NRXN1: variants seen among roughly 807,000 people sequenced by gnomAD.
NRXN1 encodes neurexin-1.
NRXN1 carries 39 observed loss-of-function variants against 150.9 expected under a neutral mutation model. The observed-to-expected ratio is 0.26, with a 90% CI of 0.20 to 0.34. The LOEUF (loss-of-function observed/expected upper bound fraction) is 0.34. NRXN1 is among the 10% of genes least tolerant of loss of function. NRXN1 has a pLI of 1.00. For missense variants in NRXN1, 1,815 were observed against 1,949.9 expected, an observed-to-expected ratio of 0.93 and a Z score of 1.30; for synonymous variants, 924 against 757.0, an observed-to-expected ratio of 1.22 and a Z score of -3.62.
chr2:50,883,508 T>C (rs1001787730), intron 5 of NRXN1, among the ~76,000 whole-genome samples: 1 of 151,648 alleles, frequency 6.6e-6, no homozygotes, highest in Admixed American at 6.6e-5. Context: ...GTGAATGTTA[T>C]TGGATAACAT....
intron 2 of NRXN1, among the ~76,000 whole-genome samples, chr2:50,955,105 C>A (rs968213859): frequency 6.6e-6 from 1 of 152,136 alleles, no homozygotes; most frequent in Non-Finnish European, 1.5e-5. Context: ...CACACGCACA[C>A]ACAAACTCTT....
chr2:50,051,672 G>A (rs1036750300), intron 21 of NRXN1, among the ~76,000 whole-genome samples: 6 of 152,068 alleles, frequency 3.9e-5, no homozygotes, highest in African/African-American at 1.2e-4. Flanking sequence ...GTGCTATGAT[G>A]TTATTGGCAA....
At chr2:50,903,171 T>A (rs1559417868) in intron 5 of NRXN1, among the ~76,000 whole-genome samples, 1 of 152,144 alleles carries the variant, frequency 6.6e-6, no homozygotes, top group African/African-American at 2.4e-5. Context: ...GAACTTTTTT[T>A]AAAAGATAAA....
chr2:50,577,004 T>C (rs1032214872), intron 8 of NRXN1, among the ~76,000 whole-genome samples: 56 of 152,272 alleles, frequency 3.7e-4, no homozygotes, highest in African/African-American at 1.3e-3. Flanking sequence ...TCAGCAGCCA[T>C]ATTCTCATCC....
chr2:50,629,905 T>C (rs974630163), intron 5 of NRXN1, among the ~76,000 whole-genome samples: 8 of 138,568 alleles, frequency 5.8e-5, no homozygotes, highest in Admixed American at 1.5e-4. Flanking sequence ...AAGATCCATA[T>C]CTTAAATGTG....
chr2:50,639,989 T>C (rs913745096), intron 5 of NRXN1, among the ~76,000 whole-genome samples: 8 of 152,192 alleles, frequency 5.3e-5, no homozygotes, highest in African/African-American at 1.4e-4. Context: ...TTACATTAAA[T>C]ACACATCACA....
At chr2:49,979,286 G>A (rs1032612353) in intron 21 of NRXN1, among the ~76,000 whole-genome samples, 2 of 152,124 alleles carry the variant, frequency 1.3e-5, no homozygotes, top group African/African-American at 4.8e-5. Flanking sequence ...GACAGAACAA[G>A]ACTCAAAAAA....
intron 5 of NRXN1, among the ~76,000 whole-genome samples, chr2:50,881,398 T>C (rs1355135696): frequency 6.6e-6 from 1 of 151,982 alleles, no homozygotes; most frequent in Non-Finnish European, 1.5e-5. Context: ...GTTTCTGGCA[T>C]GGTCAATGTT....
intron 17 of NRXN1, among the ~76,000 whole-genome samples, chr2:50,275,483 T>A (rs2070312612): frequency 6.6e-6 from 1 of 152,102 alleles, no homozygotes; most frequent in Non-Finnish European, 1.5e-5. Flanking sequence ...TGTTTTTAAA[T>A]ATTTAAAGTT....
chr2:50,094,959 C>A (rs907768444), intron 18 of NRXN1, among the ~76,000 whole-genome samples: 1 of 152,082 alleles, frequency 6.6e-6, no homozygotes, highest in Admixed American at 6.6e-5. Flanking sequence ...TAAGTATAGG[C>A]TAAGCTCAAC....
intron 17 of NRXN1, among the ~76,000 whole-genome samples, chr2:50,319,469 C>T (rs1165342266): frequency 6.6e-6 from 1 of 152,104 alleles, no homozygotes; most frequent in Non-Finnish European, 1.5e-5. Context: ...ACTTGACTGA[C>T]CTGCAGCAAA....
intron 5 of NRXN1, among the ~76,000 whole-genome samples, chr2:50,810,255 C>G (rs1184090583): frequency 6.6e-6 from 1 of 152,104 alleles, no homozygotes; most frequent in Non-Finnish European, 1.5e-5. Flanking sequence ...CACGAACTAC[C>G]ATTGGATCAT....
intron 17 of NRXN1, among the ~76,000 whole-genome samples, chr2:50,319,698 G>A (rs1246058767): frequency 6.6e-6 from 1 of 151,102 alleles, no homozygotes; most frequent in Admixed American, 6.6e-5. Flanking sequence ...GGCAGACAGT[G>A]GCAGACAGTG....
chr2:50,325,865 T>C (rs1451152093), intron 17 of NRXN1, among the ~76,000 whole-genome samples: 1 of 152,210 alleles, frequency 6.6e-6, no homozygotes, highest in Non-Finnish European at 1.5e-5. Context: ...GTTAAAAAGC[T>C]AAAATGTCAG....
At chr2:50,605,129 T>C (rs769298571) in intron 8 of NRXN1, among the ~76,000 whole-genome samples, 25 of 152,226 alleles carry the variant, frequency 1.6e-4, no homozygotes, top group Non-Finnish European at 3.4e-4. Context: ...AGCAGAAATA[T>C]CTAATTGAGT....
intron 5 of NRXN1, among the ~76,000 whole-genome samples, chr2:50,908,134 TA>T (rs1178613840): frequency 6.6e-6 from 1 of 152,072 alleles, no homozygotes; most frequent in African/African-American, 2.4e-5. Context: ...GCATCTTGCA[TA>T]GGACCCTTAG....
intron 12 of NRXN1, among the ~76,000 whole-genome samples, chr2:50,522,571 C>T (rs2092817042): frequency 6.6e-6 from 1 of 152,212 alleles, no homozygotes; most frequent in East Asian, 1.9e-4. Context: ...AAGCAATCTA[C>T]TTTTCAACCA....
At chr2:50,570,675 T>C (rs894596408) in intron 8 of NRXN1, among the ~76,000 whole-genome samples, 7 of 152,112 alleles carry the variant, frequency 4.6e-5, no homozygotes, top group Non-Finnish European at 7.4e-5. Context: ...ATAAATTATA[T>C]TAAACCCATC....
intron 5 of NRXN1, among the ~76,000 whole-genome samples, chr2:50,655,407 A>G (rs1237375461): frequency 6.6e-6 from 1 of 152,016 alleles, no homozygotes; most frequent in Admixed American, 6.6e-5. Flanking sequence ...CAGCCTAGGA[A>G]TAAGAATATA....
Sources: allele counts gnomAD v4.1 joint callset (sites outside exome capture counted in the v4.1 genomes callset), GRCh38; gene constraint gnomAD v4.1.1; transcripts MANE v1.5; gene names NCBI Gene and HGNC (gene_info 2026-07-23, HGNC 2026-07-21).